TNNI3K: variants seen among roughly 807,000 people sequenced by gnomAD.
TNNI3K encodes serine/threonine-protein kinase TNNI3K.
In TNNI3K, 140 loss-of-function variants were observed where a neutral mutation model predicts 114.5. That is an observed-to-expected ratio of 1.22 (90% CI 1.07 to 1.41). TNNI3K has a LOEUF of 1.41. Ranked by LOEUF, TNNI3K falls within the 40% of genes most tolerant of loss-of-function variation. TNNI3K has a pLI of 0.00. For synonymous variants in TNNI3K, 347 were observed against 347.5 expected (o/e 1.00, Z 0.02); for missense variants, 1,125 against 1,007.6 (o/e 1.12, Z -1.58).
intron 17 of TNNI3K, among the ~76,000 whole-genome samples, chr1:74,383,091 C>A (rs1343742052): frequency 5.4e-5 from 8 of 147,886 alleles, no homozygotes; most frequent in Admixed American, 5.4e-4. Flanking sequence ...TTTTTCTTTT[C>A]ATACAAAGAA....
intron 4 of TNNI3K, among the ~76,000 whole-genome samples, chr1:74,269,806 T>G (rs550573208): frequency 1.3e-5 from 2 of 151,904 alleles, no homozygotes; most frequent in Non-Finnish European, 2.9e-5. Flanking sequence ...AAAGATGCAT[T>G]TATCAGATTG....
At chr1:74,340,786 A>T (rs1251456501) in intron 7 of TNNI3K, among the ~76,000 whole-genome samples, 2 of 152,156 alleles carry the variant, frequency 1.3e-5, no homozygotes, top group Non-Finnish European at 2.9e-5. Context: ...GTTCTCAAGC[A>T]TTGACTTGTG....
At chr1:74,346,228 A>C (rs1230811936) in intron 9 of TNNI3K, 2 of 152,122 alleles carry the variant, frequency 1.3e-5, no homozygotes, top group Non-Finnish European at 2.9e-5. Flanking sequence ...GTCCACAGCT[A>C]ATTCTCCTTC....
intron 17 of TNNI3K, among the ~76,000 whole-genome samples, chr1:74,392,552 C>T (rs1255337491): frequency 6.6e-6 from 1 of 152,194 alleles, no homozygotes; most frequent in Non-Finnish European, 1.5e-5. Flanking sequence ...AGTAACCCTA[C>T]TGCTTTAGAT....
At chr1:74,355,760 G>C (rs573999620) in intron 11 of TNNI3K, among the ~76,000 whole-genome samples, 1 of 152,102 alleles carries the variant, frequency 6.6e-6, no homozygotes, top group Admixed American at 6.6e-5. Context: ...AAAATGTACA[G>C]GTCTGAAGAC....
At chr1:74,512,305 G>C (rs970107706) in intron 23 of TNNI3K, among the ~76,000 whole-genome samples, 2 of 152,136 alleles carry the variant, frequency 1.3e-5, no homozygotes. Flanking sequence ...GCTCCACCTT[G>C]AACCCAAGAT....
At chr1:74,315,872 G>T (rs1659276488) in intron 5 of TNNI3K, among the ~76,000 whole-genome samples, 3 of 152,218 alleles carry the variant, frequency 2.0e-5, no homozygotes, top group African/African-American at 7.2e-5. Flanking sequence ...TATAAAAATA[G>T]ACTAGGGAAA....
intron 5 of TNNI3K, among the ~76,000 whole-genome samples, chr1:74,273,217 A>C (rs1656463137): frequency 6.6e-6 from 1 of 151,976 alleles, no homozygotes; most frequent in African/African-American, 2.4e-5. Context: ...AGTTTCCTTC[A>C]TGTTGACATT....
At position 74,257,661 on chromosome 1, in the gene TNNI3K, C is replaced by CCTTTTTTTTTTTTTT. The variant is rs763279460; in HGVS notation, c.333+6892_333+6893insCTTTTTTTTTTTTTT. 2.5e-5 allele frequency among the ~76,000 whole-genome samples: 2 copies of CCTTTTTTTTTTTTTT among 78,590 alleles called. 1 individual carries two copies. The highest frequency in any genetic ancestry group is 6.1e-5 in the Non-Finnish European group (2 of 32,528). 51.6% of individuals were successfully genotyped at this position (78,590 alleles called of 152,430 possible). ...GTTTGAACTTAGCCTCTTGGCTTAC[C>CCTTTTTTTTTTTTTT]TCTTTTTTTTTTTTTTTTTTTTTTT... On this transcript the variant is annotated intron_variant, in intron 4 of 24. Coordinates refer to ENST00000326637, the MANE Select transcript of TNNI3K (RefSeq NM_015978.3).
At chr1:74,385,153 A>G (rs1019243673) in intron 17 of TNNI3K, among the ~76,000 whole-genome samples, 3 of 152,158 alleles carry the variant, frequency 2.0e-5, no homozygotes, top group Non-Finnish European at 4.4e-5. Flanking sequence ...TACATACCAT[A>G]TTATCCCACT....
chr1:74,394,297 G>A (rs900369204), intron 17 of TNNI3K, among the ~76,000 whole-genome samples: 1 of 152,164 alleles, frequency 6.6e-6, no homozygotes, highest in Non-Finnish European at 1.5e-5. Flanking sequence ...AAATTAGGAA[G>A]ACCTCAAGGA....
intron 5 of TNNI3K, among the ~76,000 whole-genome samples, chr1:74,285,823 T>C (rs367645366): frequency 5.3e-5 from 8 of 152,188 alleles, no homozygotes; most frequent in African/African-American, 1.9e-4. Context: ...ATGAAGAAAG[T>C]AGCTTACAAA....
intron 4 of TNNI3K, among the ~76,000 whole-genome samples, chr1:74,261,950 C>T (rs1223438035): frequency 3.3e-5 from 5 of 152,054 alleles, no homozygotes; most frequent in African/African-American, 1.2e-4. Context: ...GCCTGGCTTA[C>T]CAGACCTAGG....
chr1:74,388,081 C>T (rs1339292762), intron 17 of TNNI3K, among the ~76,000 whole-genome samples: 1 of 152,060 alleles, frequency 6.6e-6, no homozygotes, highest in South Asian at 2.1e-4. Flanking sequence ...AGTTCGAGAC[C>T]AGCCTGGCCA....
intron 7 of TNNI3K, among the ~76,000 whole-genome samples, chr1:74,337,373 T>C (rs1384213615): frequency 2.0e-5 from 3 of 151,704 alleles, no homozygotes; most frequent in Non-Finnish European, 4.4e-5. Flanking sequence ...CATTTGTCAA[T>C]TTTGGCTTTT....
chr1:74,480,156 C>T (rs750271140), intron 21 of TNNI3K: 5 of 714,264 alleles, frequency 7.0e-6, no homozygotes, highest in African/African-American at 3.5e-5. Flanking sequence ...GGCATACCTG[C>T]GAAGCCAAGG....
At chr1:74,312,371 G>A (rs1557490456) in intron 5 of TNNI3K, among the ~76,000 whole-genome samples, 2 of 152,142 alleles carry the variant, frequency 1.3e-5, no homozygotes, top group Non-Finnish European at 2.9e-5. Context: ...TTGGGTCCAG[G>A]GCAATGCTTT....
intron 17 of TNNI3K, among the ~76,000 whole-genome samples, chr1:74,392,131 C>T (rs1431034530): frequency 6.6e-6 from 1 of 152,014 alleles, no homozygotes; most frequent in Non-Finnish European, 1.5e-5. Context: ...ATTAAATGCA[C>T]TGTCCACTTA....
chr1:74,293,601 C>T (rs1445857317), intron 5 of TNNI3K, among the ~76,000 whole-genome samples: 1 of 151,410 alleles, frequency 6.6e-6, no homozygotes, highest in Non-Finnish European at 1.5e-5. Context: ...TTGTTTAATT[C>T]ACATTTTAAT....
Sources: allele counts gnomAD v4.1 joint callset (sites outside exome capture counted in the v4.1 genomes callset), GRCh38; gene constraint gnomAD v4.1.1; transcripts MANE v1.5; gene names NCBI Gene and HGNC (gene_info 2026-07-23, HGNC 2026-07-21).